RPS6KA3: variants seen among roughly 807,000 people sequenced by gnomAD.
The protein encoded by RPS6KA3 is ribosomal protein S6 kinase A3.
A neutral mutation model predicts 67.2 loss-of-function variants in RPS6KA3; 4 were observed. The ratio of observed to expected loss-of-function variants is 0.06; its 90% confidence interval spans 0.03 to 0.14. The LOEUF (loss-of-function observed/expected upper bound fraction) is 0.14, where lower values mean the gene tolerates loss of function less well. RPS6KA3 is among the 10% of genes least tolerant of loss of function. The pLI, the probability that RPS6KA3 is intolerant of heterozygous loss-of-function variation, is 1.00. For missense variants in RPS6KA3, 204 were observed against 559.0 expected (o/e 0.36, Z 6.40); for synonymous variants, 182 against 183.7 (o/e 0.99, Z 0.07).
At chrX:20,161,283 T>C (rs927625081) in intron 20 of RPS6KA3, among the ~76,000 whole-genome samples, 3 of 111,952 alleles carry the variant, frequency 2.7e-5, no homozygotes, top group African/African-American at 9.8e-5. Context: ...TCTGGTTTCC[T>C]TCTGTGAAAT....
intron 1 of RPS6KA3, among the ~76,000 whole-genome samples, chrX:20,247,868 T>A (rs943208765): frequency 1.8e-5 from 2 of 109,215 alleles, no homozygotes; most frequent in Non-Finnish European, 3.8e-5. Context: ...CTTAAAAAAA[T>A]AAAAAACAAA....
In RPS6KA3 at chrX:20,162,335, C is replaced by CA. The variant is rs75392752; in HGVS notation, c.1842-575dup. 4.5e-3 allele frequency among the ~76,000 whole-genome samples: 164 copies of CA among 36,390 alleles called. 2 individuals are homozygous for CA. Among genetic ancestry groups the CA allele is most frequent in the South Asian group, 0.026 (19 of 732 alleles). The allele number at this position is 36,390 out of a possible 115,157, so 31.6% of individuals were successfully genotyped here. Reference sequence around the variant, plus strand: ...TGGGTGATAGAGCAAGACTCCGTCTCAAAAAAAAAAAAAAAAGGTCTATGT... The same window carrying CA: ...TGGGTGATAGAGCAAGACTCCGTCTCAAAAAAAAAAAAAAAAAGGTCTATGT... On this transcript the variant is annotated intron_variant, in intron 19 of 21. Coordinates refer to ENST00000379565, the MANE Select transcript of RPS6KA3 (RefSeq NM_004586.3).
chrX:20,168,825 T>C (rs1385044784), intron 16 of RPS6KA3, among the ~76,000 whole-genome samples: 23 of 112,284 alleles, frequency 2.0e-4, no homozygotes, highest in Non-Finnish European at 4.1e-4. Flanking sequence ...AAATCTACTT[T>C]TTAAACTTAC....
At chrX:20,186,560 GTTT>G (rs369090914) in intron 9 of RPS6KA3, among the ~76,000 whole-genome samples, 194 bp from the exon 10 acceptor site, 3 of 101,418 alleles carry the variant, frequency 3.0e-5, no homozygotes, top group Non-Finnish European at 6.1e-5. Flanking sequence ...GAGCTATACA[GTTT>G]TTTTTTTTTT....
intron 3 of RPS6KA3, among the ~76,000 whole-genome samples, chrX:20,207,624 A>C (rs1223741309): frequency 8.9e-6 from 1 of 111,765 alleles, no homozygotes; most frequent in Non-Finnish European, 1.9e-5. Context: ...ATGACTGGCT[A>C]GAGGAAGGAA....
chrX:20,218,824 CAAAAATT>C, intron 2 of RPS6KA3: 1 of 1,197,597 alleles, frequency 8.4e-7, no homozygotes, highest in Non-Finnish European at 1.1e-6. Flanking sequence ...CACGAAAAGA[CAAAAATT>C]TAAACATGGC....
At chrX:20,238,876 A>G (rs1342330051) in intron 1 of RPS6KA3, among the ~76,000 whole-genome samples, 2 of 111,626 alleles carry the variant, frequency 1.8e-5, no homozygotes. Context: ...AAATGAGCAC[A>G]GAGTTACTTC....
chrX:20,182,305 TTTTTC>T (rs1476718913), intron 10 of RPS6KA3, among the ~76,000 whole-genome samples: 5 of 112,113 alleles, frequency 4.5e-5, no homozygotes, highest in Admixed American at 9.5e-5. Context: ...CATATAGTAC[TTTTTC>T]TTTTGTGTCT....
rs775113642 is a variant in RPS6KA3 at position 20,245,894 on chromosome X, A to T, written c.70-11080T>A. Among the ~76,000 whole-genome samples, 51 of 110,404 alleles carry T rather than the reference A, an allele frequency of 4.6e-4. 1 individual carries two copies. The highest frequency in any genetic ancestry group is 1.5e-3 in the African/African-American group (45 of 30,269). On this transcript the variant is annotated intron_variant, in intron 1 of 21. Coordinates refer to ENST00000379565, the MANE Select transcript of RPS6KA3 (RefSeq NM_004586.3). ...TAGCACCTTGGGAGGCCGAGGCAGG[A>T]GGATCATGAGGTCAGGAGTTCGAGA... is the stretch of plus-strand genomic sequence containing the variant.
intron 1 of RPS6KA3, among the ~76,000 whole-genome samples, chrX:20,246,856 G>A (rs2069703772): frequency 8.9e-6 from 1 of 111,944 alleles, no homozygotes; most frequent in South Asian, 3.7e-4. Context: ...ATCAGAACCT[G>A]TTTAACACAA....
chrX:20,221,241 A>T (rs2068979897), intron 2 of RPS6KA3, among the ~76,000 whole-genome samples: 1 of 111,828 alleles, frequency 8.9e-6, no homozygotes, highest in Admixed American at 9.5e-5. Flanking sequence ...TCTGAAATGG[A>T]TGCTACTTGT....
At chrX:20,261,285 C>T (rs1159823027) in intron 1 of RPS6KA3, among the ~76,000 whole-genome samples, 1 of 111,649 alleles carries the variant, frequency 9.0e-6, no homozygotes, top group Non-Finnish European at 1.9e-5. Flanking sequence ...TTATATATTT[C>T]AGAATAGTTA....
chrX:20,169,295 C>T, intron 16 of RPS6KA3, 107 bp downstream of exon 16: 2 of 598,619 alleles, frequency 3.3e-6, no homozygotes, highest in Admixed American at 4.5e-5. Flanking sequence ...CCACTGTGCC[C>T]AGCCTATGAT....
At chrX:20,175,320 C>G (rs982666401) in intron 13 of RPS6KA3, 32 bp from the exon 14 acceptor site, 1 of 1,198,350 alleles carries the variant, frequency 8.3e-7, no homozygotes, top group African/African-American at 1.8e-5. Context: ...AAAGAAGATT[C>G]ATTTGAAAGG....
At chrX:20,199,378 A>G (rs747390262) in intron 4 of RPS6KA3, among the ~76,000 whole-genome samples, 1 of 112,032 alleles carries the variant, frequency 8.9e-6, no homozygotes, top group South Asian at 3.7e-4. Context: ...GACACTTTCC[A>G]TAATTGAAAA....
At chrX:20,254,209 A>ATTTATCTGTTATTTATCTGT (rs1187434823) in intron 1 of RPS6KA3, among the ~76,000 whole-genome samples, 1 of 112,035 alleles carries the variant, frequency 8.9e-6, no homozygotes, top group Non-Finnish European at 1.9e-5. Context: ...CTGTTGACTT[A>ATTTATCTGTTATTTATCTGT]TATTTAATTT....
intron 2 of RPS6KA3, among the ~76,000 whole-genome samples, chrX:20,228,720 T>G (rs2069184932): frequency 9.0e-6 from 1 of 111,504 alleles, no homozygotes; most frequent in South Asian, 3.8e-4. Context: ...TGAATAAGAC[T>G]TGCTCACCAT....
chrX:20,220,617 A>C (rs957388004), intron 2 of RPS6KA3, among the ~76,000 whole-genome samples: 1 of 112,209 alleles, frequency 8.9e-6, no homozygotes, highest in Non-Finnish European at 1.9e-5. Context: ...TGAGCAACCA[A>C]ATACCCTTTT....
chrX:20,176,955 C>T (rs182274395), intron 11 of RPS6KA3, 41 bp downstream of exon 11: 1 of 966,191 alleles, frequency 1.0e-6, no homozygotes, highest in Admixed American at 2.2e-5. Context: ...AAACAAACAC[C>T]AACAAACATA....
Sources: gnomAD v4.1 joint callset for allele counts (sites outside exome capture counted in the v4.1 genomes callset) on GRCh38, gnomAD v4.1.1 for gene constraint, MANE v1.5 for transcripts, NCBI Gene and HGNC (gene_info 2026-07-23, HGNC 2026-07-21) for gene names.